Variants in DENND1A observed in about 807,000 individuals in gnomAD.
The protein encoded by DENND1A is DENN domain containing 1A.
A neutral mutation model predicts 113.7 loss-of-function variants in DENND1A; 51 were observed. That is an observed-to-expected ratio of 0.45 (90% CI 0.36 to 0.57). DENND1A has a LOEUF of 0.57. DENND1A is among the 20% of genes least tolerant of loss of function. The pLI is 0.00. For missense variants in DENND1A, 1,258 were observed against 1,395.9 expected, an observed-to-expected ratio of 0.90 and a Z score of 1.57; for synonymous variants, 565 against 570.8, an observed-to-expected ratio of 0.99 and a Z score of 0.14.
At chr9:123,615,663 G>A (rs1463011382) in intron 10 of DENND1A, among the ~76,000 whole-genome samples, 1 of 152,136 alleles carries the variant, frequency 6.6e-6, no homozygotes, top group Non-Finnish European at 1.5e-5. Context: ...ATTGCCCAGT[G>A]GTGGCTAACA....
At chr9:123,884,997 G>GCGCACACACACACA (rs370719014) in intron 1 of DENND1A, among the ~76,000 whole-genome samples, 3 of 145,836 alleles carry the variant, frequency 2.1e-5, no homozygotes, top group African/African-American at 7.6e-5. Context: ...GAGCGCGCGC[G>GCGCACACACACACA]CACACACACA....
At chr9:123,789,942 T>C (rs1832751380) in intron 3 of DENND1A, among the ~76,000 whole-genome samples, 1 of 151,890 alleles carries the variant, frequency 6.6e-6, no homozygotes, top group Non-Finnish European at 1.5e-5. Context: ...AAACAAGCAC[T>C]GGTAGTTTAG....
chr9:123,398,667 G>A (rs562746853), intron 21 of DENND1A, among the ~76,000 whole-genome samples: 22 of 152,004 alleles, frequency 1.4e-4, no homozygotes, highest in African/African-American at 2.4e-4. Context: ...GTGAGCCACC[G>A]CGCCCGGCCA....
intron 5 of DENND1A, among the ~76,000 whole-genome samples, chr9:123,677,934 G>A (rs950835073): frequency 3.9e-5 from 6 of 151,966 alleles, no homozygotes; most frequent in Admixed American, 2.6e-4. Context: ...CTCTCACTCC[G>A]GAACGTCCTG....
chr9:123,558,052 T>C (rs2057528344), intron 12 of DENND1A, among the ~76,000 whole-genome samples: 1 of 152,192 alleles, frequency 6.6e-6, no homozygotes. Context: ...ATGTTGTTCC[T>C]ATTAGAACAT....
chr9:123,450,333 G>T (rs1588592278), intron 18 of DENND1A, among the ~76,000 whole-genome samples: 1 of 152,190 alleles, frequency 6.6e-6, no homozygotes, highest in South Asian at 2.1e-4. Context: ...GGTTACAACC[G>T]GCCCTGGGGC....
intron 5 of DENND1A, among the ~76,000 whole-genome samples, chr9:123,689,497 A>C (rs1473340161): frequency 6.6e-6 from 1 of 152,206 alleles, no homozygotes; most frequent in Non-Finnish European, 1.5e-5. Flanking sequence ...TTTTGGTAAT[A>C]TATTTTAAAT....
intron 13 of DENND1A, among the ~76,000 whole-genome samples, chr9:123,478,175 C>G (rs1174609092): frequency 6.6e-6 from 1 of 152,238 alleles, no homozygotes; most frequent in Non-Finnish European, 1.5e-5. Flanking sequence ...TAGGACCTGA[C>G]ACGGACTGAA....
intron 21 of DENND1A, chr9:123,402,710 G>A (rs1333376867): frequency 6.3e-6 from 3 of 474,788 alleles, no homozygotes; most frequent in South Asian, 3.1e-5. Context: ...GCTACCTTCT[G>A]CAGATGGCTC....
intron 13 of DENND1A, among the ~76,000 whole-genome samples, chr9:123,535,631 C>G (rs2055697945): frequency 6.6e-6 from 1 of 152,196 alleles, no homozygotes; most frequent in Non-Finnish European, 1.5e-5. Context: ...TCTGTACTTG[C>G]TGTCTGTTCT....
At chr9:123,630,544 CA>C (rs1163862931) in intron 9 of DENND1A, 68 bp from the exon 10 acceptor site, 1 of 1,062,720 alleles carries the variant, frequency 9.4e-7, no homozygotes, top group Non-Finnish European at 1.3e-6. Context: ...TTGATTTCAG[CA>C]ATACAATTCT....
At chr9:123,452,176 A>T (rs570786340) in intron 17 of DENND1A, 100 bp downstream of exon 17, 3 of 1,162,200 alleles carry the variant, frequency 2.6e-6, no homozygotes, top group Non-Finnish European at 3.8e-6. Context: ...CCTGGGCAAC[A>T]GAGCAAGACC....
intron 2 of DENND1A, among the ~76,000 whole-genome samples, chr9:123,835,660 GAA>G (rs112937594): frequency 8.1e-5 from 9 of 111,446 alleles, no homozygotes; most frequent in African/African-American, 1.0e-4. Context: ...TGATTTCCAG[GAA>G]AAAAAAAAAA....
At chr9:123,800,052 C>T (rs1834380366) in intron 2 of DENND1A, among the ~76,000 whole-genome samples, 1 of 152,202 alleles carries the variant, frequency 6.6e-6, no homozygotes, top group South Asian at 2.1e-4. Context: ...TTGCCTTCTA[C>T]TGCTTACTTA....
chr9:123,754,734 A>T lies in DENND1A; in HGVS notation c.302+2969T>A, dbSNP rs540418526. Among the ~76,000 whole-genome samples the T allele has an allele frequency of 2.9e-4, 44 of 152,334 alleles. No homozygotes were observed. The South Asian group carries it at 8.9e-3, about 31-fold the overall frequency. ...AGTTCTAACCTACTATAACAGATTT[A>T]AAAAACACATCAATTGCTGCCATTT... On this transcript the variant is annotated intron_variant, in intron 5 of 23. Transcript: ENST00000394215.
At chr9:123,715,995 C>T (rs147636210) in intron 5 of DENND1A, among the ~76,000 whole-genome samples, 1 of 152,072 alleles carries the variant, frequency 6.6e-6, no homozygotes, top group Non-Finnish European at 1.5e-5. Context: ...ATCTTAAAGC[C>T]ACAACAAATG....
At position 123,457,864 on chromosome 9, in the gene DENND1A, C is replaced by T. The variant is rs748494730; in HGVS notation, c.1027G>A (p.Val343Met). ...ATGGCTCCGGAGCGGTAGTGGGACA[C>T]GAAGGCTTCCTCACAGAAAGTGATC... ...EPITFCEEAF[V>M]SHYRSGAMRQ... Residue 343 changes from valine (V) to methionine (M), a missense_variant, in exon 14 of 24, where the codon GTG (valine) becomes ATG (methionine). By Grantham distance (21) the Val-to-Met change is conservative. Transcript: ENST00000394215. The T allele has an allele frequency of 8.1e-6, 13 of 1,612,430 alleles. No individual in the cohort carries two copies. The highest frequency in any genetic ancestry group is 2.7e-5 in the African/African-American group (2 of 74,856).
At chr9:123,428,783 C>T (rs2045927823) in intron 19 of DENND1A, among the ~76,000 whole-genome samples, 1 of 152,134 alleles carries the variant, frequency 6.6e-6, no homozygotes, top group Non-Finnish European at 1.5e-5. Flanking sequence ...GAATGAACTC[C>T]CATTCACAAT....
chr9:123,507,858 AT>A (rs1301361850), intron 13 of DENND1A, among the ~76,000 whole-genome samples: 3 of 151,804 alleles, frequency 2.0e-5, no homozygotes, highest in Non-Finnish European at 4.4e-5. Context: ...ATAAATAAAT[AT>A]TTTTTGTCTT....
Sources: gnomAD v4.1 joint callset for allele counts (sites outside exome capture counted in the v4.1 genomes callset) on GRCh38, gnomAD v4.1.1 for gene constraint, MANE v1.5 for transcripts, NCBI Gene and HGNC (gene_info 2026-07-23, HGNC 2026-07-21) for gene names.